The following PALM2AKAP2 variants were observed in gnomAD, a reference collection of about 807,000 sequenced individuals.
PALM2AKAP2 encodes PALM2-AKAP2 fusion protein.
In PALM2AKAP2, 37 loss-of-function variants were observed where a neutral mutation model predicts 71.5. That is an observed-to-expected ratio of 0.52 (90% confidence interval 0.40 to 0.68). PALM2AKAP2 has a LOEUF of 0.68. Ranked by LOEUF, PALM2AKAP2 falls within the 30% of genes least tolerant of loss-of-function variation. The pLI, the probability that PALM2AKAP2 is intolerant of heterozygous loss-of-function variation, is 0.00. For synonymous variants in PALM2AKAP2, 468 were observed against 478.8 expected (o/e 0.98, Z 0.29); for missense variants, 1,224 against 1,191.8 (o/e 1.03, Z -0.40).
At chr9:109,673,153 G>C (rs1053755801) in intron 1 of PALM2AKAP2, among the ~76,000 whole-genome samples, 1 of 151,896 alleles carries the variant, frequency 6.6e-6, no homozygotes, top group South Asian at 2.1e-4. Flanking sequence ...TGCTAGATTT[G>C]GGATTCGTTT....
chr9:110,117,961 AT>A (rs1337369877), intron 1 of PALM2AKAP2, among the ~76,000 whole-genome samples: 2 of 142,756 alleles, frequency 1.4e-5, no homozygotes, highest in African/African-American at 2.7e-5. Context: ...ACATATATAT[AT>A]ATATGTCGTT....
intron 1 of PALM2AKAP2, among the ~76,000 whole-genome samples, chr9:109,655,722 G>T (rs1351070663): frequency 2.0e-5 from 3 of 152,042 alleles, no homozygotes; most frequent in South Asian, 2.1e-4. Context: ...TTCACTTTGT[G>T]TAATGCTTTG....
intron 1 of PALM2AKAP2, among the ~76,000 whole-genome samples, chr9:109,841,209 C>A (rs1423754173): frequency 1.3e-5 from 2 of 151,826 alleles, no homozygotes; most frequent in Non-Finnish European, 2.9e-5. Flanking sequence ...AGTTCATGTC[C>A]TTTTTAGGGA....
At chr9:110,004,389 T>A (rs898205962) in intron 6 of PALM2AKAP2, among the ~76,000 whole-genome samples, 2 of 152,248 alleles carry the variant, frequency 1.3e-5, no homozygotes, top group Admixed American at 1.3e-4. Flanking sequence ...GAGTTTCTGC[T>A]GAGAGATCAA....
intron 6 of PALM2AKAP2, chr9:109,942,679 A>C (rs769745048): frequency 6.5e-7 from 1 of 1,538,004 alleles, no homozygotes; most frequent in African/African-American, 1.4e-5. Flanking sequence ...TCTTGTTTTC[A>C]TTCAAGCTGT....
intron 1 of PALM2AKAP2, among the ~76,000 whole-genome samples, chr9:109,831,186 C>T (rs942927713): frequency 1.2e-4 from 17 of 146,702 alleles, no homozygotes; most frequent in African/African-American, 5.1e-5. Context: ...CACACACAAG[C>T]ATAAATAGGG....
chr9:109,725,803 G>A (rs1235638629), intron 1 of PALM2AKAP2, among the ~76,000 whole-genome samples: 1 of 152,140 alleles, frequency 6.6e-6, no homozygotes, highest in African/African-American at 2.4e-5. Flanking sequence ...GTCTTAAAAA[G>A]TAATAAGTTT....
chr9:110,015,985 A>G (rs759066171), exon 7 of PALM2AKAP2: 8 of 1,614,070 alleles, frequency 5.0e-6, no homozygotes, highest in East Asian at 4.5e-5. Context: ...TGCTAAAGGA[A>G]GGTGAGTCAG....
At chr9:109,887,252 C>T (rs752552144) in intron 3 of PALM2AKAP2, among the ~76,000 whole-genome samples, 1 of 152,226 alleles carries the variant, frequency 6.6e-6, no homozygotes, top group Non-Finnish European at 1.5e-5. Flanking sequence ...CTGAAACATT[C>T]ATTGAAATCA....
At chr9:110,070,305 A>T (rs1234315364) in intron 1 of PALM2AKAP2, among the ~76,000 whole-genome samples, 2 of 152,184 alleles carry the variant, frequency 1.3e-5, no homozygotes, top group African/African-American at 4.8e-5. Context: ...CAGACAGACC[A>T]CTGAAATTAG....
At chr9:110,093,340 C>T (rs976528924) in intron 1 of PALM2AKAP2, among the ~76,000 whole-genome samples, 4 of 151,928 alleles carry the variant, frequency 2.6e-5, no homozygotes, top group South Asian at 2.1e-4. Flanking sequence ...CTGCGGGACT[C>T]GGCTAAGATG....
Position 110,168,342 on chromosome 9 carries a change from T to G in PALM2AKAP2, c.2749-57T>G, listed in dbSNP as rs903257931. On this transcript the variant is annotated intron_variant, in intron 3 of 3. Coordinates refer to ENST00000374525, the Ensembl canonical transcript of PALM2AKAP2. ...GGAAGAAAGAAACAGAGAAGTCGGT[T>G]TATGTTCATAATTAACATCCATGAA... 25 of 1,578,826 alleles carry G rather than the reference T, an allele frequency of 1.6e-5. No homozygotes were observed. In the African/African-American group the frequency reaches 3.1e-4, roughly 20 times the overall value.
At chr9:109,970,478 T>C (rs974351679) in intron 6 of PALM2AKAP2, among the ~76,000 whole-genome samples, 1 of 152,180 alleles carries the variant, frequency 6.6e-6, no homozygotes, top group African/African-American at 2.4e-5. Context: ...TGTAGAATCT[T>C]CAAGGGGTTA....
intron 1 of PALM2AKAP2, among the ~76,000 whole-genome samples, chr9:110,095,711 C>G (rs1834820279): frequency 6.6e-6 from 1 of 152,176 alleles, no homozygotes; most frequent in Admixed American, 6.5e-5. Context: ...CTTCCATTGC[C>G]TCCTCCCCAT....
At chr9:109,971,173 C>G (rs1372387625) in intron 6 of PALM2AKAP2, among the ~76,000 whole-genome samples, 2 of 151,702 alleles carry the variant, frequency 1.3e-5, no homozygotes, top group Non-Finnish European at 2.9e-5. Flanking sequence ...TTCCCAAATG[C>G]CTAGAACCAT....
intron 1 of PALM2AKAP2, among the ~76,000 whole-genome samples, chr9:109,856,954 G>C (rs1158804554): frequency 6.6e-6 from 1 of 152,188 alleles, no homozygotes; most frequent in Non-Finnish European, 1.5e-5. Flanking sequence ...AACCACGACA[G>C]CTATGTTCAG....
chr9:109,725,512 A>G (rs1828462040), intron 1 of PALM2AKAP2, among the ~76,000 whole-genome samples: 1 of 152,202 alleles, frequency 6.6e-6, no homozygotes, highest in Admixed American at 6.5e-5. Flanking sequence ...ATTTAACCTA[A>G]AGGAATAACT....
At chr9:110,006,817 T>C (rs892067215) in intron 6 of PALM2AKAP2, among the ~76,000 whole-genome samples, 3 of 152,188 alleles carry the variant, frequency 2.0e-5, no homozygotes, top group Non-Finnish European at 4.4e-5. Context: ...GCCCCCTACC[T>C]ATTCCTGTCG....
intron 1 of PALM2AKAP2, among the ~76,000 whole-genome samples, chr9:109,790,575 C>T (rs922648761): frequency 6.6e-6 from 1 of 152,154 alleles, no homozygotes; most frequent in South Asian, 2.1e-4. Flanking sequence ...AGGATTTGGG[C>T]AACTGTGATA....
Sources: allele counts gnomAD v4.1 joint callset (sites outside exome capture counted in the v4.1 genomes callset), GRCh38; gene constraint gnomAD v4.1.1; transcripts MANE v1.5; gene names NCBI Gene and HGNC (gene_info 2026-07-23, HGNC 2026-07-21).